The following CPNE4 variants were observed in gnomAD, a reference collection of about 807,000 sequenced individuals.
CPNE4 encodes copine 4, also known as copine-4.
Under a neutral mutation model 67.9 loss-of-function variants are expected in CPNE4, and 25 were observed. The ratio of observed to expected loss-of-function variants is 0.37; its 90% CI spans 0.27 to 0.51. The LOEUF is 0.51. CPNE4 is among the 20% of genes least tolerant of loss of function. The pLI is 0.93. For missense variants in CPNE4, 464 were observed against 690.8 expected (o/e 0.67, Z 3.68); for synonymous variants, 242 against 244.9 (o/e 0.99, Z 0.11).
At chr3:131,603,823 T>C (rs1354076666) in intron 7 of CPNE4, among the ~76,000 whole-genome samples, 1 of 152,170 alleles carries the variant, frequency 6.6e-6, no homozygotes, top group Non-Finnish European at 1.5e-5. Context: ...TTGTTCTGCA[T>C]AGTCCTCAGT....
chr3:131,879,997 T>G (rs988160810), intron 2 of CPNE4, among the ~76,000 whole-genome samples: 1 of 152,086 alleles, frequency 6.6e-6, no homozygotes, highest in Non-Finnish European at 1.5e-5. Context: ...ACCCAAACCT[T>G]TAAAAAAACA....
At chr3:131,639,889 T>C (rs960955656) in intron 7 of CPNE4, among the ~76,000 whole-genome samples, 5 of 151,994 alleles carry the variant, frequency 3.3e-5, no homozygotes, top group Admixed American at 3.3e-4. Flanking sequence ...ACCACATGAA[T>C]AGAATTAAAA....
chr3:131,648,426 C>G (rs2079721389), intron 7 of CPNE4, among the ~76,000 whole-genome samples: 1 of 152,248 alleles, frequency 6.6e-6, no homozygotes, highest in East Asian at 1.9e-4. Flanking sequence ...TCATGGACAT[C>G]AGCCTTCCCC....
In CPNE4 at chr3:131,796,287, C is replaced by T. The variant is rs539975034; in HGVS notation, c.181-72662G>A. On this transcript the variant is annotated intron_variant, in intron 2 of 15. Transcript: ENST00000429747. ...TTGGAATCATCTTCAGCCTCGTTAA[C>T]GACGTAGCAGGGTTAGTTTGGTCAC... is the stretch of plus-strand genomic sequence containing the variant. 1.2e-4 allele frequency among the ~76,000 whole-genome samples: 19 copies of T among 152,212 alleles called. 1 individual carries two copies. In the South Asian group the frequency reaches 3.1e-3, roughly 25 times the overall value.
chr3:131,945,498 A>T lies in CPNE4; in HGVS notation c.-1-40054T>A, dbSNP rs1466512844. On this transcript the variant is annotated intron_variant, in intron 1 of 15. Transcript: ENST00000429747. Reference sequence around the variant, plus strand: ...ACTAGAGATGGGTGATTCCAGCCCAATGCAGAACTCCTTTGATGAGCAGTC... The same window carrying T: ...ACTAGAGATGGGTGATTCCAGCCCATTGCAGAACTCCTTTGATGAGCAGTC... 2.0e-5 allele frequency among the ~76,000 whole-genome samples: 3 copies of T among 152,192 alleles called. No individual in the cohort carries two copies. The East Asian group carries it at 5.8e-4, about 29-fold the overall frequency.
intron 2 of CPNE4, among the ~76,000 whole-genome samples, chr3:131,888,403 T>TA (rs35504853): frequency 0.079 from 11,664 of 147,950 alleles, 572 homozygotes; most frequent in East Asian, 0.17. Flanking sequence ...GTCTTTGGGT[T>TA]AAAAAAAAAA....
At chr3:131,824,622 T>C (rs191069436) in intron 2 of CPNE4, among the ~76,000 whole-genome samples, 293 of 152,140 alleles carry the variant, frequency 1.9e-3, no homozygotes, top group African/African-American at 6.7e-3. Flanking sequence ...CTGTGTAGAC[T>C]TCTCTCAGAG....
rs187418257 is a variant in CPNE4, at chr3:131,636,191, A to G, written c.681+33484T>C. Among the ~76,000 whole-genome samples, 3 of 152,160 alleles carry G rather than the reference A, an allele frequency of 2.0e-5. No homozygotes were observed. In the East Asian group the frequency reaches 5.8e-4, roughly 29 times the overall value. ...TGCAGGCTCCCTGAGATGCCAAAAA[A>G]CTGTGACTCTGCTTGCTTATTGGCA... is the stretch of plus-strand genomic sequence containing the variant. On this transcript the variant is annotated intron_variant, in intron 7 of 15. Coordinates refer to ENST00000429747, the MANE Select transcript of CPNE4 (RefSeq NM_130808.3).
intron 1 of CPNE4, among the ~76,000 whole-genome samples, chr3:131,971,101 G>A (rs1270114711): frequency 6.6e-6 from 1 of 152,194 alleles, no homozygotes; most frequent in Non-Finnish European, 1.5e-5. Flanking sequence ...AGTCCAAGAT[G>A]GTTACAGTCA....
intron 5 of CPNE4, among the ~76,000 whole-genome samples, chr3:131,695,532 T>C (rs1003473237): frequency 4.6e-5 from 7 of 152,214 alleles, no homozygotes; most frequent in Non-Finnish European, 8.8e-5. Context: ...AGCTTAAAAC[T>C]GCTATCCACT....
Position 131,598,850 on chromosome 3 carries a change from C to A in CPNE4, c.682-11268G>T, listed in dbSNP as rs556507286. ...GACACTCTTTAAAATTGTCCCCCCA[C>A]CCCCCCGCCAAAAAAAAATTACCCA... On this transcript the variant is annotated intron_variant, in intron 7 of 15. Transcript: ENST00000429747. Among the ~76,000 whole-genome samples the A allele has an allele frequency of 3.7e-4, 37 of 100,174 alleles. 1 individual carries two copies. The highest frequency in any genetic ancestry group is 2.2e-3 in the African/African-American group (28 of 13,020). The allele number at this position is 100,174 out of a possible 152,430, so 65.7% of individuals were successfully genotyped here.
intron 15 of CPNE4, among the ~76,000 whole-genome samples, chr3:131,541,690 A>G (rs72997263): frequency 0.04 from 6,137 of 151,678 alleles, 300 homozygotes; most frequent in African/African-American, 0.11. Context: ...CTTTTTTTGA[A>G]ACCAACTCTC....
intron 2 of CPNE4, among the ~76,000 whole-genome samples, chr3:131,800,988 A>G (rs953847083): frequency 2.0e-5 from 3 of 152,130 alleles, no homozygotes; most frequent in Admixed American, 6.6e-5. Flanking sequence ...TGTCTCCCAT[A>G]TGGGTTGTAA....
chr3:131,891,361 T>C (rs1209800397), intron 2 of CPNE4, among the ~76,000 whole-genome samples: 1 of 152,096 alleles, frequency 6.6e-6, no homozygotes, highest in Non-Finnish European at 1.5e-5. Flanking sequence ...GAAAATATTC[T>C]ATAATTGGGA....
chr3:131,942,451 TGTGTGTGTGTGTGAGAGAGAGA>T (rs2071418340), intron 1 of CPNE4, among the ~76,000 whole-genome samples: 2 of 62,446 alleles, frequency 3.2e-5, no homozygotes, highest in Non-Finnish European at 3.1e-5. Flanking sequence ...TGTGTGTGTG[TGTGTGTGTGTGTGAGAGAGAGA>T]GAGAGAGAGA....
chr3:131,901,802 G>T (rs974356131), intron 2 of CPNE4, among the ~76,000 whole-genome samples: 4 of 152,054 alleles, frequency 2.6e-5, no homozygotes, highest in Non-Finnish European at 2.9e-5. Context: ...CCCTTAGAGG[G>T]TTGGGGAAAG....
chr3:131,542,290 A>G (rs1032047765), intron 15 of CPNE4, among the ~76,000 whole-genome samples: 3 of 152,090 alleles, frequency 2.0e-5, no homozygotes, highest in Non-Finnish European at 2.9e-5. Flanking sequence ...TTTGCCTACA[A>G]TAGTTAGCAT....
At chr3:131,996,083 A>C (rs892276283) in intron 1 of CPNE4, among the ~76,000 whole-genome samples, 1 of 152,220 alleles carries the variant, frequency 6.6e-6, no homozygotes, top group African/African-American at 2.4e-5. Flanking sequence ...GATCAAGCCA[A>C]ACCTCAGCTT....
In CPNE4 at chr3:131,656,150, C is replaced by T. The variant is rs182525116; in HGVS notation, c.681+13525G>A. ...CTTTATCCTCCAGACTCTTCCCTTC[C>T]CTTCCTTTCCTTCTTCTAACTCCCT... On this transcript the variant is annotated intron_variant, in intron 7 of 15. Coordinates refer to ENST00000429747, the MANE Select transcript of CPNE4 (RefSeq NM_130808.3). 6.6e-3 allele frequency among the ~76,000 whole-genome samples: 972 copies of T among 147,906 alleles called. 9 individuals carry two copies. Among genetic ancestry groups the T allele is most frequent in the African/African-American group, 0.023 (873 of 37,622 alleles).
Sources: allele counts gnomAD v4.1 joint callset (sites outside exome capture counted in the v4.1 genomes callset), GRCh38; gene constraint gnomAD v4.1.1; transcripts MANE v1.5; gene names NCBI Gene and HGNC (gene_info 2026-07-23, HGNC 2026-07-21).